GABRB1: variants seen among roughly 807,000 people sequenced by gnomAD.
GABRB1 encodes gamma-aminobutyric acid receptor subunit beta-1.
Under a neutral mutation model 51.6 loss-of-function variants are expected in GABRB1, and 17 were observed. The ratio of observed to expected loss-of-function variants is 0.33; its 90% confidence interval spans 0.23 to 0.49. GABRB1 has a LOEUF of 0.49. Among genes scored for constraint, GABRB1 ranks in the 20% least tolerant of loss-of-function variants. The pLI is 0.99. For synonymous variants in GABRB1, 247 were observed against 218.9 expected (o/e 1.13, Z -1.14); for missense variants, 410 against 600.6 (o/e 0.68, Z 3.32).
chr4:47,010,464 T>C (rs1466381058), intron 1 of GABRB1, among the ~76,000 whole-genome samples: 1 of 152,240 alleles, frequency 6.6e-6, no homozygotes, highest in Non-Finnish European at 1.5e-5. Context: ...TCCTGCCTCC[T>C]ACTCTAATAG....
intron 1 of GABRB1, among the ~76,000 whole-genome samples, chr4:47,019,397 A>G (rs1472988220): frequency 6.6e-6 from 1 of 151,752 alleles, no homozygotes; most frequent in Non-Finnish European, 1.5e-5. Flanking sequence ...TCACAATATT[A>G]TTGAAATTAT....
At chr4:47,027,055 T>A (rs1412954620), upstream of GABRB1, among the ~76,000 whole-genome samples, 1 of 151,740 alleles carries the variant, frequency 6.6e-6, no homozygotes, top group Non-Finnish European at 1.5e-5. Context: ...TTTAAAATAG[T>A]GCTGATAAAT....
chr4:47,098,566 T>C (rs939019726), intron 3 of GABRB1, among the ~76,000 whole-genome samples: 3 of 152,162 alleles, frequency 2.0e-5, no homozygotes, highest in Admixed American at 6.6e-5. Context: ...AAAGCTGTAG[T>C]TGTTTTAAAT....
chr4:47,359,465 A>G (rs1191886918), intron 5 of GABRB1, among the ~76,000 whole-genome samples: 1 of 152,122 alleles, frequency 6.6e-6, no homozygotes, highest in East Asian at 1.9e-4. Context: ...TGATTGACCT[A>G]AAAGTTAAAT....
intron 5 of GABRB1, among the ~76,000 whole-genome samples, chr4:47,374,735 A>G (rs900040261): frequency 6.6e-6 from 1 of 152,248 alleles, no homozygotes; most frequent in African/African-American, 2.4e-5. Context: ...AGTTGGAGTA[A>G]ATAGCACTGC....
Position 47,278,084 on chromosome 4 carries a change from C to T in GABRB1, c.462-42043C>T, listed in dbSNP as rs1578057378. Among the ~76,000 whole-genome samples, 6 of 152,168 alleles carry T rather than the reference C, an allele frequency of 3.9e-5. 1 individual carries two copies. Among genetic ancestry groups the T allele is most frequent in the African/African-American group, 1.4e-4 (6 of 41,548 alleles). The stretch of plus-strand genomic sequence containing the variant: ...CAAGTTTTATATTTGGAGAGACAAA[C>T]TTTTTTATGGGCTAAGAGTGCACAC... On this transcript the variant is annotated intron_variant, in intron 4 of 8. Coordinates refer to ENST00000295454, the MANE Select transcript of GABRB1 (RefSeq NM_000812.4).
chr4:47,113,108 G>A (rs905036127), intron 3 of GABRB1, among the ~76,000 whole-genome samples: 1 of 152,020 alleles, frequency 6.6e-6, no homozygotes. Flanking sequence ...AATCAGGGCC[G>A]GGTGCAGTGG....
rs576712374 is a variant in GABRB1 at position 47,262,664 on chromosome 4, T to C, written c.462-57463T>C. Among the ~76,000 whole-genome samples, 8 of 152,316 alleles carry C rather than the reference T, an allele frequency of 5.3e-5. No individual in the cohort carries two copies. The South Asian group carries it at 1.7e-3, about 32-fold the overall frequency. On this transcript the variant is annotated intron_variant, in intron 4 of 8. Transcript: ENST00000295454. ...TTCTTCAGGGATCTGGAACTAAAAA[T>C]ACCATTTGACACAGCCTTCCCATTA... is the stretch of plus-strand genomic sequence containing the variant.
chr4:47,375,609 T>C (rs1462304794), intron 5 of GABRB1, among the ~76,000 whole-genome samples: 3 of 152,228 alleles, frequency 2.0e-5, no homozygotes, highest in African/African-American at 7.2e-5. Context: ...TATCATCTTA[T>C]AGCAGCACCA....
chr4:47,265,370 G>T (rs928124824), intron 4 of GABRB1, among the ~76,000 whole-genome samples: 4 of 152,020 alleles, frequency 2.6e-5, no homozygotes, highest in African/African-American at 9.7e-5. Flanking sequence ...GTACACTTAG[G>T]TTGATTCAAT....
At position 47,018,874 on chromosome 4, in the gene GABRB1, C is replaced by T. The variant is rs77419128; in HGVS notation, c.-19-13040C>T. Among the ~76,000 whole-genome samples, 981 of 152,154 alleles carry T rather than the reference C, an allele frequency of 6.4e-3. 7 individuals carry two copies. The highest frequency in any genetic ancestry group is 0.015 in the South Asian group (71 of 4,816). ...AATGGCAGAGGTGGAAGAAAATCCG[C>T]GTATAAGTGGACCCATGCAATACAC... On this transcript the variant is annotated intron_variant, in intron 1 of 3. Coordinates refer to the GABRB1 transcript ENST00000513567.
intron 4 of GABRB1, among the ~76,000 whole-genome samples, chr4:47,304,920 C>T (rs1180897151): frequency 6.6e-6 from 1 of 152,036 alleles, no homozygotes; most frequent in East Asian, 1.9e-4. Flanking sequence ...TTCCTTTTCT[C>T]ATAGAAAAGT....
intron 2 of GABRB1, 60 bp from the exon 3 acceptor site, chr4:47,032,357 C>T: frequency 1.4e-6 from 2 of 1,435,288 alleles, no homozygotes; most frequent in South Asian, 1.3e-5. Flanking sequence ...GCCCCCAGAC[C>T]CTCCCCAGCC....
At chr4:47,216,294 G>A (rs975376676) in intron 4 of GABRB1, among the ~76,000 whole-genome samples, 14 of 151,772 alleles carry the variant, frequency 9.2e-5, no homozygotes, top group African/African-American at 3.4e-4. Context: ...AAGAGGGAGG[G>A]TATCCTTTAC....
chr4:47,028,706 G>A (rs906155271), upstream of GABRB1, among the ~76,000 whole-genome samples: 4 of 150,134 alleles, frequency 2.7e-5, no homozygotes, highest in African/African-American at 7.3e-5. Context: ...TCTTATTTTT[G>A]TTCTCTATTC....
At chr4:47,404,834 G>A (rs912382870) in intron 7 of GABRB1, among the ~76,000 whole-genome samples, 2 of 152,168 alleles carry the variant, frequency 1.3e-5, no homozygotes, top group African/African-American at 4.8e-5. Context: ...AGTGGATGAT[G>A]TCCACAGCAG....
intron 4 of GABRB1, among the ~76,000 whole-genome samples, chr4:47,246,299 T>TATATATATATATATATATATATAC (rs1329276891): frequency 1.2e-5 from 1 of 84,170 alleles, no homozygotes; most frequent in African/African-American, 4.7e-5. Context: ...TATATATATA[T>TATATATATATATATATATATATAC]ACACACACAC....
chr4:47,344,863 C>T (rs1417439410), intron 5 of GABRB1, among the ~76,000 whole-genome samples: 1 of 152,160 alleles, frequency 6.6e-6, no homozygotes, highest in East Asian at 1.9e-4. Flanking sequence ...GCTGGGACTA[C>T]AGGTGTGCAC....
At chr4:47,071,018 C>T (rs946477217) in intron 3 of GABRB1, among the ~76,000 whole-genome samples, 18 of 152,184 alleles carry the variant, frequency 1.2e-4, no homozygotes, top group African/African-American at 4.3e-4. Flanking sequence ...CTAGACTTCT[C>T]GTCCTACAAT....
Sources: allele counts gnomAD v4.1 joint callset (sites outside exome capture counted in the v4.1 genomes callset), GRCh38; gene constraint gnomAD v4.1.1; transcripts MANE v1.5; gene names NCBI Gene and HGNC (gene_info 2026-07-23, HGNC 2026-07-21).